ARHGAP21: variants seen among roughly 807,000 people sequenced by gnomAD.
The protein encoded by ARHGAP21 is rho GTPase-activating protein 21.
ARHGAP21 carries 38 observed loss-of-function variants against 164.6 expected under a neutral mutation model. The ratio of observed to expected loss-of-function variants is 0.23; its 90% CI spans 0.18 to 0.30. The LOEUF is 0.30. ARHGAP21 is among the 10% of genes least tolerant of loss of function. The pLI, the probability that ARHGAP21 is intolerant of heterozygous loss-of-function variation, is 1.00. For missense variants in ARHGAP21, 1,822 were observed against 2,370.7 expected (o/e 0.77, Z 4.81); for synonymous variants, 766 against 857.9 (o/e 0.89, Z 1.87).
chr10:24,643,183 T>C (rs1837249725), intron 4 of ARHGAP21, among the ~76,000 whole-genome samples: 1 of 152,220 alleles, frequency 6.6e-6, no homozygotes. Context: ...CTCTTACAAA[T>C]GTGCCAGGCA....
intron 2 of ARHGAP21, among the ~76,000 whole-genome samples, chr10:24,673,749 C>T (rs1332328427): frequency 6.6e-6 from 1 of 152,120 alleles, no homozygotes; most frequent in African/African-American, 2.4e-5. Context: ...ATAATCCCCA[C>T]TACTTGAGAG....
intron 2 of ARHGAP21, among the ~76,000 whole-genome samples, chr10:24,704,280 TTTTC>T (rs1843994234): frequency 6.7e-6 from 1 of 149,074 alleles, no homozygotes; most frequent in African/African-American, 2.6e-5. Context: ...GTTCTACATT[TTTTC>T]TTTTCTTTTT....
intron 2 of ARHGAP21, among the ~76,000 whole-genome samples, chr10:24,701,898 T>C (rs1282391328): frequency 6.6e-6 from 1 of 152,178 alleles, no homozygotes; most frequent in Non-Finnish European, 1.5e-5. Context: ...CTCCCCAGTA[T>C]TCCTTCTGAG....
intron 4 of ARHGAP21, 50 bp downstream of exon 4, chr10:24,666,935 G>T: frequency 7.5e-7 from 1 of 1,329,316 alleles, no homozygotes; most frequent in South Asian, 1.3e-5. Flanking sequence ...AGAACAGAAA[G>T]AAATGGGTAG....
chr10:24,633,189 A>C (rs892739485), intron 6 of ARHGAP21, among the ~76,000 whole-genome samples: 2 of 152,250 alleles, frequency 1.3e-5, no homozygotes, highest in Non-Finnish European at 2.9e-5. Context: ...GATTTTAATC[A>C]TAAATCTGAT....
chr10:24,695,033 A>G (rs1843033961), intron 2 of ARHGAP21, among the ~76,000 whole-genome samples: 1 of 128,796 alleles, frequency 7.8e-6, no homozygotes, highest in South Asian at 2.9e-4. Flanking sequence ...CCTGGGTAAC[A>G]GAGCAAAATT....
intron 9 of ARHGAP21, among the ~76,000 whole-genome samples, chr10:24,614,438 A>C (rs907896646): frequency 2.0e-5 from 3 of 152,194 alleles, no homozygotes; most frequent in African/African-American, 7.2e-5. Flanking sequence ...TTTCAACATT[A>C]AAGGAACTAG....
intron 2 of ARHGAP21, among the ~76,000 whole-genome samples, chr10:24,687,512 T>C (rs1458297968): frequency 6.6e-6 from 1 of 152,198 alleles, no homozygotes; most frequent in Non-Finnish European, 1.5e-5. Flanking sequence ...TCACAACAAC[T>C]AGACAAAACC....
Position 24,696,418 on chromosome 10 carries a change from A to G in ARHGAP21, c.63+25419T>C, listed in dbSNP as rs541559109. Among the ~76,000 whole-genome samples the G allele has an allele frequency of 3.9e-5, 6 of 152,324 alleles. No individual in the cohort carries two copies. In the East Asian group the frequency reaches 9.7e-4, roughly 25 times the overall value. ...AGGCACCAACCCTCAAAACTCACAC[A>G]GGACGAAGAAGAGAGCCCGTTTTCG... On this transcript the variant is annotated intron_variant, in intron 2 of 25. Transcript: ENST00000396432.
At chr10:24,712,218 G>T (rs10764488) in intron 2 of ARHGAP21, among the ~76,000 whole-genome samples, 1 of 151,836 alleles carries the variant, frequency 6.6e-6, no homozygotes, top group African/African-American at 2.4e-5. Context: ...ACCTGGCCAA[G>T]TTAAGGATCT....
chr10:24,717,488 G>A (rs943861820), intron 2 of ARHGAP21, among the ~76,000 whole-genome samples: 1 of 152,262 alleles, frequency 6.6e-6, no homozygotes. Context: ...AGAGTCTTGC[G>A]GGTCAGGGAA....
chr10:24,713,755 T>G (rs990811516), intron 2 of ARHGAP21, among the ~76,000 whole-genome samples: 1 of 151,988 alleles, frequency 6.6e-6, no homozygotes, highest in Non-Finnish European at 1.5e-5. Flanking sequence ...TGACAGGCAT[T>G]AGCCACCACG....
intron 4 of ARHGAP21, among the ~76,000 whole-genome samples, chr10:24,649,109 C>G (rs569022784): frequency 6.6e-6 from 1 of 152,178 alleles, no homozygotes; most frequent in African/African-American, 2.4e-5. Context: ...TAGCAAACTA[C>G]AGATAACTTG....
chr10:24,655,531 C>T (rs996948982), intron 4 of ARHGAP21, among the ~76,000 whole-genome samples: 3 of 152,354 alleles, frequency 2.0e-5, no homozygotes, highest in South Asian at 2.1e-4. Flanking sequence ...TGCTCATCAT[C>T]GCGGCTGGAG....
chr10:24,586,163 T>C, intron 25 of ARHGAP21, 57 bp from the exon 26 acceptor site: 1 of 1,488,658 alleles, frequency 6.7e-7, no homozygotes, highest in Non-Finnish European at 8.9e-7. Flanking sequence ...GAGTTCATTT[T>C]CTGACAAGCT....
intron 5 of ARHGAP21, among the ~76,000 whole-genome samples, 167 bp from the exon 6 acceptor site, chr10:24,633,647 A>T (rs1244284379): frequency 6.6e-6 from 1 of 152,138 alleles, no homozygotes; most frequent in African/African-American, 2.4e-5. Context: ...TAAAACAATT[A>T]TATGAATATC....
chr10:24,637,357 A>C (rs1265811327), intron 4 of ARHGAP21, among the ~76,000 whole-genome samples: 1 of 152,220 alleles, frequency 6.6e-6, no homozygotes, highest in African/African-American at 2.4e-5. Context: ...TAATATTTAC[A>C]ATAGTTGGCA....
chr10:24,607,439 A>C (rs1205157672), intron 11 of ARHGAP21, 60 bp downstream of exon 11: 1 of 1,387,584 alleles, frequency 7.2e-7, no homozygotes, highest in African/African-American at 1.4e-5. Context: ...CTTATGTGTC[A>C]AGGTCATGCT....
intron 4 of ARHGAP21, among the ~76,000 whole-genome samples, chr10:24,639,264 G>C (rs770830042): frequency 2.0e-5 from 3 of 152,092 alleles, no homozygotes; most frequent in Admixed American, 1.3e-4. Context: ...GTTTAATTGA[G>C]CATTCTGTAT....
Sources: gnomAD v4.1 joint callset for allele counts (sites outside exome capture counted in the v4.1 genomes callset) on GRCh38, gnomAD v4.1.1 for gene constraint, MANE v1.5 for transcripts, NCBI Gene and HGNC (gene_info 2026-07-23, HGNC 2026-07-21) for gene names.